HIVEP3: variants seen among roughly 807,000 people sequenced by gnomAD.
HIVEP3 encodes HIVEP zinc finger 3, also known as transcription factor HIVEP3.
A neutral mutation model predicts 152.8 loss-of-function variants in HIVEP3; 49 were observed. The ratio of observed to expected loss-of-function variants is 0.32; its 90% confidence interval spans 0.26 to 0.41. The LOEUF (loss-of-function observed/expected upper bound fraction) is 0.41. HIVEP3 is among the 10% of genes least tolerant of loss of function. HIVEP3 has a pLI of 1.00. For synonymous variants in HIVEP3, 1,269 were observed against 1,289.0 expected, an observed-to-expected ratio of 0.98 and a Z score of 0.33; for missense variants, 2,790 against 3,103.3, an observed-to-expected ratio of 0.90 and a Z score of 2.40.
intron 1 of HIVEP3, among the ~76,000 whole-genome samples, chr1:41,880,015 G>A (rs1644235677): frequency 6.6e-6 from 1 of 152,160 alleles, no homozygotes. Flanking sequence ...TACAGATCAT[G>A]AGCATGAAGC....
At position 41,524,406 on chromosome 1, in the gene HIVEP3, A is replaced by G. The variant is rs1439741368; in HGVS notation, c.5383+329T>C. On this transcript the variant is annotated intron_variant, in intron 6 of 8. Transcript: ENST00000372583. ...TGGATAAACGGCTCAGGAGACATGC[A>G]GAAGGGAGGGGAGATGAGAGAAGAT... 3.9e-5 allele frequency among the ~76,000 whole-genome samples: 6 copies of G among 152,294 alleles called. No homozygotes were observed. In the East Asian group the frequency reaches 1.2e-3, roughly 29 times the overall value.
At chr1:41,989,708 A>C (rs1273983524) in intron 1 of HIVEP3, among the ~76,000 whole-genome samples, 1 of 142,566 alleles carries the variant, frequency 7.0e-6, no homozygotes, top group East Asian at 2.1e-4. Context: ...TGAAGTACTC[A>C]GCAAAAGAAA....
rs1644439440 is a variant in HIVEP3, at chr1:41,582,966, T to C, written c.1832A>G (p.Lys611Arg). 4 of 1,613,962 alleles carry C rather than the reference T, an allele frequency of 2.5e-6. No individual in the cohort carries two copies. Among genetic ancestry groups the C allele is most frequent in the Non-Finnish European group, 3.4e-6 (4 of 1,180,030 alleles). ...GTCCGAGGGCTTGGAGGCTGTGTCT[T>C]TGCTGCTTGGGCCAGGCTCCTCAGA... ...YSSEEPGPSSKDTASKPSDEV... is the reference protein window; with the variant it reads ...YSSEEPGPSSRDTASKPSDEV... The change falls in exon 4 of 9, where the codon AAA (lysine) becomes AGA (arginine). Residue 611 changes from lysine (K) to arginine (R), a missense_variant. Transcript: ENST00000372583. The surrounding 1 kb of genome is among the most constrained non-coding windows in gnomAD (Gnocchi z 4.7).
At chr1:41,574,421 C>A (rs1644296808) in intron 5 of HIVEP3, among the ~76,000 whole-genome samples, 1 of 152,146 alleles carries the variant, frequency 6.6e-6, no homozygotes, top group Non-Finnish European at 1.5e-5. Flanking sequence ...CATTTGCTAC[C>A]CCTGGCCCCC....
chr1:42,004,078 C>CCT (rs1307172128), intron 1 of HIVEP3, among the ~76,000 whole-genome samples: 1 of 152,202 alleles, frequency 6.6e-6, no homozygotes, highest in East Asian at 1.9e-4. Context: ...CTCACTGCCA[C>CCT]CTCTCCCAGC....
chr1:41,778,396 C>T (rs1334031715), intron 1 of HIVEP3, among the ~76,000 whole-genome samples: 3 of 152,174 alleles, frequency 2.0e-5, no homozygotes, highest in Non-Finnish European at 2.9e-5. Flanking sequence ...TGAGCCTGCC[C>T]GGCTTGGCAT....
chr1:41,973,073 C>CAA (rs1264303435), intron 1 of HIVEP3, among the ~76,000 whole-genome samples: 8 of 151,550 alleles, frequency 5.3e-5, no homozygotes, highest in African/African-American at 1.9e-4. Context: ...CACACACACA[C>CAA]AATTATGAAA....
chr1:41,703,832 C>T (rs1194509944), intron 1 of HIVEP3, among the ~76,000 whole-genome samples: 1 of 152,172 alleles, frequency 6.6e-6, no homozygotes, highest in Non-Finnish European at 1.5e-5. Context: ...AGCTCTGGCC[C>T]CAAAGAAGCT....
intron 1 of HIVEP3, among the ~76,000 whole-genome samples, chr1:41,854,204 T>C (rs1165818390): frequency 2.0e-5 from 3 of 152,100 alleles, no homozygotes; most frequent in Non-Finnish European, 2.9e-5. Context: ...CAGGACTCTA[T>C]TACTTCAGGC....
chr1:41,697,615 G>A (rs1259482376), intron 2 of HIVEP3, among the ~76,000 whole-genome samples: 2 of 152,170 alleles, frequency 1.3e-5, no homozygotes, highest in African/African-American at 2.4e-5. Flanking sequence ...CGAGTTGGCT[G>A]GAGAGGCTGC....
chr1:41,919,822 CAA>C (rs997955482), upstream of HIVEP3, among the ~76,000 whole-genome samples: 4 of 152,178 alleles, frequency 2.6e-5, no homozygotes, highest in African/African-American at 9.7e-5. Flanking sequence ...TGAGAAGAAA[CAA>C]GAGTCCTAAC....
chr1:42,011,641 C>G (rs1434687149), intron 1 of HIVEP3, among the ~76,000 whole-genome samples: 2 of 152,172 alleles, frequency 1.3e-5, no homozygotes, highest in Non-Finnish European at 2.9e-5. Flanking sequence ...GGTCATTGCC[C>G]ATTGGCCTCT....
chr1:41,920,709 G>A (rs1195709823), upstream of HIVEP3, among the ~76,000 whole-genome samples: 1 of 151,866 alleles, frequency 6.6e-6, no homozygotes, highest in Non-Finnish European at 1.5e-5. Flanking sequence ...AAGGTGATTC[G>A]AGTCCATCCT....
chr1:41,705,455 G>A (rs548989772), intron 1 of HIVEP3, among the ~76,000 whole-genome samples: 19 of 152,308 alleles, frequency 1.2e-4, no homozygotes, highest in African/African-American at 4.6e-4. Flanking sequence ...ACCCCAGGAT[G>A]ACAGACCTAT....
intron 5 of HIVEP3, among the ~76,000 whole-genome samples, chr1:41,575,282 G>A (rs1644309116): frequency 6.6e-6 from 1 of 152,156 alleles, no homozygotes; most frequent in Non-Finnish European, 1.5e-5. Context: ...AGAAAATGAG[G>A]GGCTGGAGAA....
chr1:41,770,020 G>C (rs1026809438), intron 1 of HIVEP3, among the ~76,000 whole-genome samples: 1 of 152,178 alleles, frequency 6.6e-6, no homozygotes. Context: ...CCAGGCTGGA[G>C]TGCAGTGGCA....
At chr1:41,780,524 C>T (rs1648980843) in intron 1 of HIVEP3, among the ~76,000 whole-genome samples, 1 of 152,150 alleles carries the variant, frequency 6.6e-6, no homozygotes, top group South Asian at 2.1e-4. Flanking sequence ...CTTAAAGTGG[C>T]CATGGTCAGG....
rs139063288 is a variant in HIVEP3, at chr1:41,701,370, A to G, written c.-800-375T>C. ...TCACTCATTCTTGCTTTCATTATTC[A>G]TTCATTCATGCAAGCATTCAACAGC... On this transcript the variant is annotated intron_variant, in intron 1 of 8. Coordinates refer to ENST00000372583, the MANE Select transcript of HIVEP3 (RefSeq NM_024503.5). 3.0e-3 allele frequency among the ~76,000 whole-genome samples: 463 copies of G among 152,328 alleles called. 3 individuals carry two copies. Among genetic ancestry groups the G allele is most frequent in the Middle Eastern group, 0.01 (3 of 294 alleles).
At chr1:41,935,845 A>T (rs910858700) in intron 1 of HIVEP3, among the ~76,000 whole-genome samples, 23 of 151,366 alleles carry the variant, frequency 1.5e-4, no homozygotes, top group African/African-American at 4.6e-4. Context: ...ATGAGGAAAC[A>T]TAATGTGATA....
Sources: gnomAD v4.1 joint callset for allele counts (sites outside exome capture counted in the v4.1 genomes callset) on GRCh38, gnomAD v4.1.1 for gene constraint, Gnocchi (gnomAD v3.1) non-coding constraint, MANE v1.5 for transcripts, NCBI Gene and HGNC (gene_info 2026-07-23, HGNC 2026-07-21) for gene names.